GABBR2: variants seen among roughly 807,000 people sequenced by gnomAD.
GABBR2 encodes gamma-aminobutyric acid type B receptor subunit 2.
Under a neutral mutation model 105.6 loss-of-function variants are expected in GABBR2, and 23 were observed. The observed-to-expected ratio is 0.22, with a 90% CI of 0.16 to 0.31. The LOEUF is 0.31. GABBR2 is among the 10% of genes least tolerant of loss of function. GABBR2 has a pLI of 1.00. For missense variants in GABBR2, 734 were observed against 1,245.5 expected (o/e 0.59, Z 6.18); for synonymous variants, 478 against 499.7 (o/e 0.96, Z 0.58).
chr9:98,689,687 AAG>A (rs1830661843), intron 1 of GABBR2, among the ~76,000 whole-genome samples: 1 of 152,198 alleles, frequency 6.6e-6, no homozygotes, highest in Admixed American at 6.5e-5. Context: ...TTTTCTTCAA[AAG>A]AGTCAAAATG....
At chr9:98,691,270 T>C (rs934236958) in intron 1 of GABBR2, among the ~76,000 whole-genome samples, 1 of 152,126 alleles carries the variant, frequency 6.6e-6, no homozygotes, top group African/African-American at 2.4e-5. Context: ...CATACTCTCA[T>C]CCTAGCCTCA....
At chr9:98,393,157 C>CCCATCCATCCAT (rs148679963) in intron 9 of GABBR2, among the ~76,000 whole-genome samples, 34 of 115,374 alleles carry the variant, frequency 2.9e-4, no homozygotes, top group African/African-American at 7.8e-4. Context: ...CATCCACCAA[C>CCCATCCATCCAT]CCATCCATCC....
intron 1 of GABBR2, among the ~76,000 whole-genome samples, chr9:98,673,340 C>T (rs1830430565): frequency 6.6e-6 from 1 of 151,938 alleles, no homozygotes; most frequent in South Asian, 2.1e-4. Flanking sequence ...ACTTTTTATA[C>T]CAAGAATCAT....
At position 98,388,622 on chromosome 9, in the gene GABBR2, T is replaced by G. The variant is rs1162925437; in HGVS notation, c.1529+232A>C. 5.1e-5 allele frequency among the ~76,000 whole-genome samples: 1 copy of G among 19,438 alleles called. No individual in the cohort carries two copies. The highest frequency in any genetic ancestry group is 3.6e-4 in the Admixed American group (1 of 2,760). The allele number at this position is 19,438 out of a possible 152,430, so 12.8% of individuals were successfully genotyped here. A position where few individuals can be genotyped will look rare whatever the true frequency, so the allele number is the denominator to read the frequency against. On this transcript the variant is annotated intron_variant, in intron 10 of 18. Coordinates refer to ENST00000259455, the MANE Select transcript of GABBR2 (RefSeq NM_005458.8). This position sits in a 1 kb window ranked among gnomAD's most constrained non-coding sequence, Gnocchi z 4.4. ...TGTGCAACCAGCAGCCTGGCCTCTG[T>G]GTGTGTGTGTGTGTGTGTGTGTGTG...
intron 11 of GABBR2, among the ~76,000 whole-genome samples, chr9:98,379,233 C>A (rs1257894835): frequency 6.6e-6 from 1 of 152,202 alleles, no homozygotes; most frequent in Non-Finnish European, 1.5e-5. Context: ...GTACCTACAC[C>A]AAGCTGGCCA....
At chr9:98,664,020 G>A (rs1052625329) in intron 1 of GABBR2, among the ~76,000 whole-genome samples, 36 of 152,142 alleles carry the variant, frequency 2.4e-4, no homozygotes, top group Non-Finnish European at 4.7e-4. Context: ...ATCATAATGA[G>A]TCTACTAGGT....
intron 2 of GABBR2, among the ~76,000 whole-genome samples, chr9:98,550,123 C>A (rs1828462203): frequency 6.6e-6 from 1 of 152,148 alleles, no homozygotes; most frequent in Admixed American, 6.6e-5. Context: ...AGTATAACTG[C>A]CCCCCACCCA....
intron 7 of GABBR2, among the ~76,000 whole-genome samples, chr9:98,440,596 C>G (rs558193034): frequency 7.1e-4 from 108 of 152,270 alleles, no homozygotes; most frequent in African/African-American, 2.5e-3. Flanking sequence ...TTCTAGGAAG[C>G]CTGAATCCCA....
intron 4 of GABBR2, among the ~76,000 whole-genome samples, chr9:98,488,768 G>C (rs1426471020): frequency 8.8e-6 from 1 of 113,816 alleles, no homozygotes; most frequent in African/African-American, 3.5e-5. Context: ...GGAATGTTGA[G>C]AGGCTATGCT....
intron 17 of GABBR2, among the ~76,000 whole-genome samples, chr9:98,298,041 T>TAA (rs34384818): frequency 0.41 from 54,782 of 133,078 alleles, 11,638 homozygotes; most frequent in African/African-American, 0.54. Flanking sequence ...GACTCCATCT[T>TAA]AAAAAAAAAA....
intron 4 of GABBR2, among the ~76,000 whole-genome samples, chr9:98,495,186 C>T (rs946102908): frequency 1.6e-4 from 24 of 152,256 alleles, no homozygotes; most frequent in African/African-American, 5.5e-4. Flanking sequence ...ATGTGACCCG[C>T]AGGCTCTGTA....
At chr9:98,406,659 G>A (rs1329337681) in intron 7 of GABBR2, among the ~76,000 whole-genome samples, 5 of 152,194 alleles carry the variant, frequency 3.3e-5, no homozygotes, top group African/African-American at 7.2e-5. Context: ...GAATGGTGAC[G>A]TCAGTCCCAA....
chr9:98,704,902 T>G (rs939707901), intron 1 of GABBR2, among the ~76,000 whole-genome samples: 5 of 151,134 alleles, frequency 3.3e-5, no homozygotes, highest in African/African-American at 1.2e-4. Flanking sequence ...TGAGCTATGA[T>G]GTACCACTGC....
At chr9:98,693,969 C>A (rs1303193141) in intron 1 of GABBR2, among the ~76,000 whole-genome samples, 3 of 152,208 alleles carry the variant, frequency 2.0e-5, no homozygotes, top group Non-Finnish European at 4.4e-5. Flanking sequence ...AGGAGGTAGC[C>A]AGCTAGCAAC....
At chr9:98,512,739 C>T (rs1363696724) in intron 3 of GABBR2, among the ~76,000 whole-genome samples, 3 of 152,144 alleles carry the variant, frequency 2.0e-5, no homozygotes, top group Non-Finnish European at 2.9e-5. Context: ...CAAACCACTG[C>T]TCAATGAAAT....
chr9:98,401,883 A>G (rs1832400881), intron 8 of GABBR2, among the ~76,000 whole-genome samples: 4 of 152,304 alleles, frequency 2.6e-5, no homozygotes, highest in Non-Finnish European at 5.9e-5. Flanking sequence ...TTTTCTCCAG[A>G]GGACTTGGTA....
At chr9:98,407,421 A>G (rs1436032337) in intron 7 of GABBR2, among the ~76,000 whole-genome samples, 2 of 152,192 alleles carry the variant, frequency 1.3e-5, no homozygotes, top group African/African-American at 4.8e-5. Context: ...TGTGAGTAGT[A>G]TCAGTTTGAA....
chr9:98,435,951 T>A (rs1825893913), intron 7 of GABBR2, among the ~76,000 whole-genome samples: 1 of 152,072 alleles, frequency 6.6e-6, no homozygotes, highest in Non-Finnish European at 1.5e-5. Context: ...TCACCATTTA[T>A]ATTTAAATGG....
intron 6 of GABBR2, among the ~76,000 whole-genome samples, chr9:98,460,794 T>C (rs926273487): frequency 2.6e-5 from 4 of 152,178 alleles, no homozygotes; most frequent in Non-Finnish European, 5.9e-5. Context: ...TGAAATCCTA[T>C]GGAGCTCTAT....
Sources: allele counts gnomAD v4.1 joint callset (sites outside exome capture counted in the v4.1 genomes callset), GRCh38; gene constraint gnomAD v4.1.1; non-coding constraint Gnocchi (gnomAD v3.1); transcripts MANE v1.5; gene names NCBI Gene and HGNC (gene_info 2026-07-23, HGNC 2026-07-21).